The following OVCH1 variants were observed in gnomAD, a reference collection of about 807,000 sequenced individuals.
The protein encoded by OVCH1 is ovochymase 1.
A neutral mutation model predicts 138.4 loss-of-function variants in OVCH1; 139 were observed. The ratio of observed to expected loss-of-function variants is 1.00; its 90% confidence interval spans 0.87 to 1.16. The LOEUF (loss-of-function observed/expected upper bound fraction) is 1.16, where lower values mean the gene tolerates loss of function less well. OVCH1 is among the 50% of genes most tolerant of loss of function. The pLI is 0.00. For synonymous variants in OVCH1, 453 were observed against 467.8 expected, an observed-to-expected ratio of 0.97 and a Z score of 0.41; for missense variants, 1,367 against 1,357.9, an observed-to-expected ratio of 1.01 and a Z score of -0.11.
downstream of OVCH1, among the ~76,000 whole-genome samples, chr12:29,425,604 G>A (rs566930377): frequency 9.8e-5 from 15 of 152,286 alleles, no homozygotes; most frequent in African/African-American, 3.6e-4. Context: ...TATTAGCGAT[G>A]TCACTGGAGG....
At chr12:29,459,359 A>T (rs1942054885) in intron 19 of OVCH1, among the ~76,000 whole-genome samples, 1 of 152,174 alleles carries the variant, frequency 6.6e-6, no homozygotes, top group African/African-American at 2.4e-5. Context: ...GGAGGTCATT[A>T]TGTGAAGTTA....
At chr12:29,443,006 C>T (rs988107230) in intron 25 of OVCH1, among the ~76,000 whole-genome samples, 1 of 152,018 alleles carries the variant, frequency 6.6e-6, no homozygotes, top group Non-Finnish European at 1.5e-5. Context: ...TTGATAAACT[C>T]ATGTAATGCC....
intron 22 of OVCH1, among the ~76,000 whole-genome samples, chr12:29,445,708 T>G (rs1362241878): frequency 6.6e-6 from 1 of 152,118 alleles, no homozygotes; most frequent in Non-Finnish European, 1.5e-5. Flanking sequence ...TGTGACCTTT[T>G]TCTCCTAGAA....
intron 22 of OVCH1, among the ~76,000 whole-genome samples, 173 bp from the exon 23 acceptor site, chr12:29,445,576 CG>C: frequency 6.6e-6 from 1 of 152,038 alleles, no homozygotes; most frequent in Admixed American, 6.6e-5. Context: ...ACAAACTAGC[CG>C]GGTGGGAAGC....
intron 25 of OVCH1, among the ~76,000 whole-genome samples, chr12:29,442,627 TAAAATAAAAA>T (rs912216887): frequency 2.7e-4 from 40 of 148,898 alleles, no homozygotes; most frequent in Non-Finnish European, 5.8e-4. Flanking sequence ...ATAATAATAA[TAAAATAAAAA>T]AAAATAAAAA....
intron 6 of OVCH1, among the ~76,000 whole-genome samples, chr12:29,489,417 G>A (rs1215833931): frequency 2.0e-5 from 3 of 152,192 alleles, no homozygotes; most frequent in Non-Finnish European, 2.9e-5. Flanking sequence ...AAGAAGTGTA[G>A]GGGTAGGAAT....
Position 29,477,163 on chromosome 12 carries a change from A to T in OVCH1, c.1316T>A (p.Leu439Ter), listed in dbSNP as rs775251987. ...ATGACACCTTGTGTTACTGGGATACAAATCAGGATACTTGGCAGAGTGATT... is the reference window on the plus strand; with the variant it reads ...ATGACACCTTGTGTTACTGGGATACTAATCAGGATACTTGGCAGAGTGATT... Residue 439 changes from leucine (L) to a stop codon, truncating the protein, a stop_gained, in exon 12 of 28, where the codon TTG becomes TAG. Transcript: ENST00000318184. LOFTEE classifies it high-confidence loss of function. 4.0e-5 allele frequency: 65 copies of T among 1,613,560 alleles called. 1 individual carries two copies. The highest frequency in any genetic ancestry group is 2.1e-5 in the Non-Finnish European group (25 of 1,179,798).
chr12:29,472,000 C>A lies in OVCH1; in HGVS notation c.1676-18G>T. On this transcript the variant is annotated intron_variant, in intron 15 of 27. Transcript: ENST00000318184. ...ACAGACATCTACAGTAAAGATGAAA[C>A]CAATGACCCATAAGGTTGCAGTAAT... 6.3e-7 allele frequency: 1 copy of A among 1,594,502 alleles called. No homozygotes were observed. Among genetic ancestry groups the A allele is most frequent in the South Asian group, 1.1e-5 (1 of 87,278 alleles).
chr12:29,413,327 C>G (rs917601110), intron 3 of OVCH1, among the ~76,000 whole-genome samples: 1 of 152,178 alleles, frequency 6.6e-6, no homozygotes, highest in Non-Finnish European at 1.5e-5. Context: ...CTCTTGGTTT[C>G]TCATCCATAA....
intron 26 of OVCH1, among the ~76,000 whole-genome samples, chr12:29,438,326 A>G (rs1941402178): frequency 6.6e-6 from 1 of 152,088 alleles, no homozygotes; most frequent in African/African-American, 2.4e-5. Context: ...TTTAATTACC[A>G]TGGTTTTAGA....
intron 3 of OVCH1, among the ~76,000 whole-genome samples, chr12:29,419,929 A>C (rs1467906187): frequency 6.6e-6 from 1 of 152,184 alleles, no homozygotes; most frequent in African/African-American, 2.4e-5. Flanking sequence ...TTACCTATTC[A>C]AGAGTAAAGT....
At chr12:29,496,525 A>C in intron 2 of OVCH1, 31 bp downstream of exon 2, 1 of 1,513,072 alleles carries the variant, frequency 6.6e-7, no homozygotes, top group Non-Finnish European at 9.1e-7. Flanking sequence ...CTGTTTTCTC[A>C]TTAAGAAATC....
chr12:29,481,215 T>C (rs1942920660), intron 8 of OVCH1, among the ~76,000 whole-genome samples: 2 of 152,146 alleles, frequency 1.3e-5, no homozygotes, highest in Non-Finnish European at 2.9e-5. Flanking sequence ...TAACTTTCCA[T>C]GTGGGTGGGT....
chr12:29,486,148 T>C, intron 8 of OVCH1, 102 bp downstream of exon 8: 1 of 1,169,066 alleles, frequency 8.6e-7, no homozygotes, highest in Non-Finnish European at 1.2e-6. Context: ...TTCAAAAATT[T>C]AAATAAAACT....
At chr12:29,426,625 T>C (rs1941183255), downstream of OVCH1, among the ~76,000 whole-genome samples, 1 of 152,202 alleles carries the variant, frequency 6.6e-6, no homozygotes, top group African/African-American at 2.4e-5. Context: ...CCATAAATGC[T>C]TTCTCCAGTG....
intron 2 of OVCH1, 81 bp downstream of exon 2, chr12:29,496,475 C>G (rs1454917860): frequency 7.6e-7 from 1 of 1,321,554 alleles, no homozygotes; most frequent in East Asian, 2.3e-5. Context: ...AACTACATAT[C>G]AACGTGCATT....
chr12:29,480,304 T>C (rs376290692), intron 8 of OVCH1, among the ~76,000 whole-genome samples: 1 of 152,206 alleles, frequency 6.6e-6, no homozygotes, highest in East Asian at 1.9e-4. Context: ...AAATTACCCA[T>C]TTCCAAATGG....
chr12:29,433,888 GAAAC>G (rs1398374653), intron 26 of OVCH1: 24 of 1,162,272 alleles, frequency 2.1e-5, no homozygotes, highest in Non-Finnish European at 2.5e-5. Context: ...AAAAAAAAAA[GAAAC>G]AAAAGGTAAA....
At chr12:29,439,950 T>C (rs998773880) in intron 25 of OVCH1, among the ~76,000 whole-genome samples, 1 of 152,226 alleles carries the variant, frequency 6.6e-6, no homozygotes, top group Non-Finnish European at 1.5e-5. Context: ...AGCTTCAATG[T>C]TCTTTCTGGG....
Sources: gnomAD v4.1 joint callset for allele counts (sites outside exome capture counted in the v4.1 genomes callset) on GRCh38, gnomAD v4.1.1 for gene constraint, MANE v1.5 for transcripts, NCBI Gene and HGNC (gene_info 2026-07-23, HGNC 2026-07-21) for gene names.